The following FUT8 variants were observed in gnomAD, a reference collection of about 807,000 sequenced individuals.
FUT8 encodes alpha-(1,6)-fucosyltransferase.
In FUT8, 29 loss-of-function variants were observed where a neutral mutation model predicts 71.3. The ratio of observed to expected loss-of-function variants is 0.41; its 90% CI spans 0.30 to 0.55. FUT8 has a LOEUF of 0.55. FUT8 is among the 20% of genes least tolerant of loss of function. FUT8 has a pLI of 0.34. For synonymous variants in FUT8, 254 were observed against 239.3 expected (o/e 1.06, Z -0.57); for missense variants, 544 against 702.1 (o/e 0.77, Z 2.55).
intron 2 of FUT8, among the ~76,000 whole-genome samples, chr14:65,543,125 ACT>A (rs1884779812): frequency 6.6e-6 from 1 of 152,096 alleles, no homozygotes; most frequent in African/African-American, 2.4e-5. Context: ...TCTCCTTATA[ACT>A]ATTAAATGTT....
chr14:65,402,868 T>C, the FUT8 span, among the ~76,000 whole-genome samples: 40 of 152,168 alleles, frequency 2.6e-4, no homozygotes, highest in Non-Finnish European at 2.4e-4. Context: ...CCTCTATCTA[T>C]GTAGGTTTAT....
At chr14:65,731,579 C>T (rs1028976891) in intron 9 of FUT8, among the ~76,000 whole-genome samples, 4 of 152,140 alleles carry the variant, frequency 2.6e-5, no homozygotes, top group Non-Finnish European at 5.9e-5. Context: ...TTTTGTTTTA[C>T]ACTTAGGTAT....
chr14:65,359,992 C>T, the FUT8 span, among the ~76,000 whole-genome samples: 13 of 152,300 alleles, frequency 8.5e-5, no homozygotes, highest in East Asian at 3.9e-4. Flanking sequence ...ACCACCACAC[C>T]GAGCTAATTT....
At chr14:65,504,648 C>T (rs1421270901) in intron 2 of FUT8, among the ~76,000 whole-genome samples, 1 of 152,164 alleles carries the variant, frequency 6.6e-6, no homozygotes, top group Non-Finnish European at 1.5e-5. Flanking sequence ...ACTCAGAAAA[C>T]GTTGTGTTCT....
At chr14:65,434,539 G>A (rs1014269488) in intron 1 of FUT8, among the ~76,000 whole-genome samples, 9 of 152,320 alleles carry the variant, frequency 5.9e-5, no homozygotes, top group African/African-American at 2.2e-4. Context: ...CAAAAACAAT[G>A]TAAAGCCATT....
chr14:65,634,392 C>T (rs1381043179), intron 6 of FUT8, among the ~76,000 whole-genome samples: 4 of 151,986 alleles, frequency 2.6e-5, no homozygotes, highest in Non-Finnish European at 4.4e-5. Flanking sequence ...CATCACCACT[C>T]CCTAATCTCA....
intron 2 of FUT8, among the ~76,000 whole-genome samples, chr14:65,499,470 T>C (rs2066611455): frequency 6.6e-6 from 1 of 152,112 alleles, no homozygotes; most frequent in African/African-American, 2.4e-5. Context: ...CCATAACTAA[T>C]TATTAATAAA....
At chr14:65,407,313 T>C (rs928916684), upstream of FUT8, among the ~76,000 whole-genome samples, 19 of 152,236 alleles carry the variant, frequency 1.2e-4, no homozygotes, top group Non-Finnish European at 1.3e-4. Flanking sequence ...ATGAGCTTGA[T>C]AAACCTTGTA....
At chr14:65,367,710 G>A in the FUT8 span, among the ~76,000 whole-genome samples, 3 of 152,066 alleles carry the variant, frequency 2.0e-5, no homozygotes, top group African/African-American at 7.2e-5. Context: ...CAGGGAATTC[G>A]ATTCAGAACC....
At chr14:65,655,336 CATG>C (rs1891620255) in intron 6 of FUT8, among the ~76,000 whole-genome samples, 2 of 151,646 alleles carry the variant, frequency 1.3e-5, no homozygotes, top group South Asian at 4.2e-4. Context: ...AATTAGCTGG[CATG>C]GTGGTGGGCA....
At chr14:65,460,396 T>A (rs2065953586) in intron 2 of FUT8, among the ~76,000 whole-genome samples, 1 of 152,224 alleles carries the variant, frequency 6.6e-6, no homozygotes, top group African/African-American at 2.4e-5. Context: ...GCATATTTGC[T>A]TGTAGCTCCT....
chr14:65,524,898 C>T (rs151324994), intron 2 of FUT8, among the ~76,000 whole-genome samples: 30 of 152,238 alleles, frequency 2.0e-4, no homozygotes, highest in East Asian at 5.8e-4. Flanking sequence ...GTATGTTGAA[C>T]GAGCCTTGCA....
At chr14:65,458,610 C>T (rs2065928734) in intron 2 of FUT8, among the ~76,000 whole-genome samples, 2 of 152,136 alleles carry the variant, frequency 1.3e-5, no homozygotes, top group African/African-American at 2.4e-5. Flanking sequence ...TAGACTCTAG[C>T]TTCTAAGCCT....
chr14:65,369,530 C>T, the FUT8 span, among the ~76,000 whole-genome samples: 12 of 151,820 alleles, frequency 7.9e-5, no homozygotes, highest in Non-Finnish European at 1.2e-4. The surrounding 1 kb of genome is among the most constrained non-coding windows in gnomAD (Gnocchi z 4.6). Context: ...TCACAAAGAC[C>T]CTGCTGATAA....
intron 2 of FUT8, among the ~76,000 whole-genome samples, chr14:65,533,217 A>G (rs1344728427): frequency 1.3e-5 from 2 of 152,176 alleles, no homozygotes; most frequent in Admixed American, 1.3e-4. Flanking sequence ...TAGGAATAGC[A>G]TTGAATTTGT....
chr14:65,536,958 ATCT>A (rs997994740), intron 2 of FUT8, among the ~76,000 whole-genome samples: 4 of 131,360 alleles, frequency 3.0e-5, no homozygotes, highest in African/African-American at 8.4e-5. Context: ...TTTGTTCTTC[ATCT>A]TCTTCTTCTT....
chr14:65,618,051 A>ATATATATATGTATG (rs1555376254), intron 5 of FUT8, among the ~76,000 whole-genome samples: 5 of 84,296 alleles, frequency 5.9e-5, no homozygotes, highest in East Asian at 3.1e-4. Flanking sequence ...ATATATATAT[A>ATATATATATGTATG]TATGTATGTA....
the FUT8 span, among the ~76,000 whole-genome samples, chr14:65,372,206 G>C: frequency 6.6e-6 from 1 of 152,078 alleles, no homozygotes; most frequent in Non-Finnish European, 1.5e-5. Context: ...GACCTCTGAT[G>C]CCTTGTGCTG....
intron 7 of FUT8, among the ~76,000 whole-genome samples, chr14:65,693,118 A>C (rs1287574587): frequency 6.6e-6 from 1 of 152,224 alleles, no homozygotes; most frequent in African/African-American, 2.4e-5. Flanking sequence ...GGCCAGGCAG[A>C]GGCTGCAATC....
Sources: allele counts gnomAD v4.1 joint callset (sites outside exome capture counted in the v4.1 genomes callset), GRCh38; gene constraint gnomAD v4.1.1; non-coding constraint Gnocchi (gnomAD v3.1); transcripts MANE v1.5; gene names NCBI Gene and HGNC (gene_info 2026-07-23, HGNC 2026-07-21).